RFTN2: variants seen among roughly 807,000 people sequenced by gnomAD.
RFTN2 encodes raftlin family member 2.
Under a neutral mutation model 52.7 loss-of-function variants are expected in RFTN2, and 34 were observed. The ratio of observed to expected loss-of-function variants is 0.64; its 90% CI spans 0.49 to 0.86. RFTN2 has a LOEUF of 0.86. Ranked by LOEUF, RFTN2 falls within the 40% of genes least tolerant of loss-of-function variation. The pLI is 0.00. For synonymous variants in RFTN2, 203 were observed against 217.7 expected, an observed-to-expected ratio of 0.93 and a Z score of 0.59; for missense variants, 536 against 600.1, an observed-to-expected ratio of 0.89 and a Z score of 1.12.
chr2:197,576,056 T>C (rs1160035108), intron 8 of RFTN2, among the ~76,000 whole-genome samples: 1 of 151,758 alleles, frequency 6.6e-6, no homozygotes, highest in Non-Finnish European at 1.5e-5. Flanking sequence ...TTGTCTAGGC[T>C]GGAGTGCGGT....
At chr2:197,604,619 G>A (rs1010474862) in intron 7 of RFTN2, among the ~76,000 whole-genome samples, 3 of 152,230 alleles carry the variant, frequency 2.0e-5, no homozygotes, top group Non-Finnish European at 4.4e-5. Flanking sequence ...TGGAGGAAGT[G>A]AATGTGATGG....
At chr2:197,619,125 G>T (rs1416087115) in intron 5 of RFTN2, among the ~76,000 whole-genome samples, 1 of 151,474 alleles carries the variant, frequency 6.6e-6, no homozygotes, top group African/African-American at 2.4e-5. Flanking sequence ...GCCCCGTCCG[G>T]GAGGGAGGTG....
intron 2 of RFTN2, 59 bp from the exon 3 acceptor site, chr2:197,644,331 G>T (rs1389964309): frequency 1.8e-5 from 17 of 933,130 alleles, no homozygotes; most frequent in Non-Finnish European, 5.3e-6. Context: ...CAGCTAATAT[G>T]CTCATGTGAA....
At chr2:197,657,071 C>A (rs2088904952) in intron 1 of RFTN2, among the ~76,000 whole-genome samples, 1 of 152,000 alleles carries the variant, frequency 6.6e-6, no homozygotes, top group African/African-American at 2.4e-5. Flanking sequence ...TGCTATTTGG[C>A]CAGGCTTGTA....
At chr2:197,614,489 G>A (rs1037485345) in intron 7 of RFTN2, among the ~76,000 whole-genome samples, 18 of 152,204 alleles carry the variant, frequency 1.2e-4, no homozygotes, top group Non-Finnish European at 2.5e-4. Flanking sequence ...CGCTGGACAA[G>A]GACCTAGGTA....
At chr2:197,656,643 TG>T (rs1463798125) in intron 1 of RFTN2, among the ~76,000 whole-genome samples, 1 of 152,172 alleles carries the variant, frequency 6.6e-6, no homozygotes, top group Non-Finnish European at 1.5e-5. Context: ...GGGAAGATCA[TG>T]GTAGGGATTT....
intron 8 of RFTN2, among the ~76,000 whole-genome samples, chr2:197,594,104 C>G (rs922336553): frequency 6.7e-6 from 1 of 149,022 alleles, no homozygotes; most frequent in African/African-American, 2.5e-5. Context: ...CAACCTCTAC[C>G]TCCTGGGTTC....
chr2:197,585,806 C>T (rs2087586737), intron 8 of RFTN2, among the ~76,000 whole-genome samples: 1 of 152,192 alleles, frequency 6.6e-6, no homozygotes, highest in South Asian at 2.1e-4. Context: ...ACAGGTCCAG[C>T]AAGACCTCCC....
chr2:197,675,288 C>T lies in RFTN2; in HGVS notation c.139+32G>A, dbSNP rs192543271. 46 of 1,536,218 alleles carry T rather than the reference C, an allele frequency of 3.0e-5. No homozygotes were observed. The East Asian group carries it at 1.0e-3, about 34-fold the overall frequency. ...ATGACTAGTAGTCTCATCTCTGAAA[C>T]ATTTAACAAACAAAATAGAAGCAAA... On this transcript the variant is annotated intron_variant, in intron 1 of 8. Coordinates refer to ENST00000295049, the MANE Select transcript of RFTN2 (RefSeq NM_144629.3).
intron 1 of RFTN2, among the ~76,000 whole-genome samples, chr2:197,662,453 C>A (rs969401263): frequency 6.6e-6 from 1 of 152,098 alleles, no homozygotes; most frequent in Non-Finnish European, 1.5e-5. Context: ...TTTCTGGGTT[C>A]TGTATTCTGT....
At chr2:197,628,529 A>G (rs776897471) in intron 5 of RFTN2, among the ~76,000 whole-genome samples, 2 of 152,218 alleles carry the variant, frequency 1.3e-5, no homozygotes, top group African/African-American at 2.4e-5. Flanking sequence ...TGAAAAGTGT[A>G]TGTTTTGTTT....
chr2:197,624,681 G>T (rs531097722), intron 5 of RFTN2, among the ~76,000 whole-genome samples: 57 of 150,884 alleles, frequency 3.8e-4, no homozygotes, highest in African/African-American at 1.2e-3. Flanking sequence ...GCCACAGCTG[G>T]CCAGGCGCAG....
intron 8 of RFTN2, among the ~76,000 whole-genome samples, chr2:197,586,851 G>A (rs1301282804): frequency 6.6e-6 from 1 of 152,126 alleles, no homozygotes; most frequent in Non-Finnish European, 1.5e-5. Context: ...GAAACATGAG[G>A]ACTCTGTATA....
chr2:197,631,045 T>G lies in RFTN2; in HGVS notation c.894A>C (p.Leu298Phe). Reference sequence around the variant, plus strand: ...TTTCCCAGAATACAAAAGAATCAATTAAAGACAAGCCTTGTTTATAATAAA... The same window carrying G: ...TTTCCCAGAATACAAAAGAATCAATGAAAGACAAGCCTTGTTTATAATAAA... ...TTFYYKQGLS[L>F]IDSFVFWETS... Residue 298 changes from leucine to phenylalanine, a missense_variant, in exon 5 of 9, where the codon TTA becomes TTC. Leu to Phe is a conservative substitution (Grantham distance 22, BLOSUM62 0). Transcript: ENST00000295049. The G allele has an allele frequency of 1.9e-6, 3 of 1,611,944 alleles. No homozygotes were observed. The highest frequency in any genetic ancestry group is 2.5e-6 in the Non-Finnish European group (3 of 1,178,310).
At chr2:197,639,921 G>A (rs1392571405) in intron 3 of RFTN2, among the ~76,000 whole-genome samples, 2 of 150,712 alleles carry the variant, frequency 1.3e-5, no homozygotes, top group Non-Finnish European at 3.0e-5. Flanking sequence ...GGTTTTTGGT[G>A]TGGATGTCCT....
Position 197,675,378 on chromosome 2 carries a change from T to C in RFTN2, c.81A>G (p.Gln27=). ...AAGCAAATTCTGTCTTTGTTTCCAC[T>C]TGCGGTCTCTTCAGGGTAGAAAATA... ...GKIFSTLKRP[Q]VETKTEFAYE... The change falls in exon 1 of 9, where the codon CAA becomes CAG. Residue 27 remains glutamine (Q), a synonymous_variant. Transcript: ENST00000295049. 1.9e-6 allele frequency: 3 copies of C among 1,605,980 alleles called. No homozygotes were observed. Among genetic ancestry groups the C allele is most frequent in the Non-Finnish European group, 2.6e-6 (3 of 1,176,304 alleles).
chr2:197,644,767 A>G (rs1006671174), intron 2 of RFTN2, among the ~76,000 whole-genome samples: 4 of 152,208 alleles, frequency 2.6e-5, no homozygotes, highest in Non-Finnish European at 4.4e-5. Context: ...ATTAGGACAT[A>G]AGCAATCCTA....
Position 197,571,602 on chromosome 2 carries a change from G to A in RFTN2, c.*406C>T, listed in dbSNP as rs2087319130. 5.7e-6 allele frequency: 1 copy of A among 174,192 alleles called. No individual in the cohort carries two copies. The highest frequency in any genetic ancestry group is 2.4e-5 in the African/African-American group (1 of 41,780). The allele number at this position is 174,192 out of a possible 1,614,324, so 10.8% of individuals were successfully genotyped here. On this transcript the variant is annotated 3_prime_UTR_variant, in exon 9 of 9. Coordinates refer to ENST00000295049, the MANE Select transcript of RFTN2 (RefSeq NM_144629.3). ...AGAGAGAGAAAAAAAAAGAGAGAGAGAGGTTATTTTTCAGCTTAAATAAGA... is the reference window on the plus strand; with the variant it reads ...AGAGAGAGAAAAAAAAAGAGAGAGAAAGGTTATTTTTCAGCTTAAATAAGA...
chr2:197,604,976 G>T (rs891530536), intron 7 of RFTN2, among the ~76,000 whole-genome samples: 1 of 152,016 alleles, frequency 6.6e-6, no homozygotes, highest in African/African-American at 2.4e-5. Flanking sequence ...GGCCAGGCTG[G>T]TCTTGAACTC....
Sources: gnomAD v4.1 joint callset for allele counts (sites outside exome capture counted in the v4.1 genomes callset) on GRCh38, gnomAD v4.1.1 for gene constraint, MANE v1.5 for transcripts, NCBI Gene and HGNC (gene_info 2026-07-23, HGNC 2026-07-21) for gene names.